The following RNF220 variants were observed in gnomAD, a reference collection of about 807,000 sequenced individuals.
RNF220 encodes ring finger protein 220, also known as E3 ubiquitin-protein ligase RNF220.
RNF220 carries 7 observed loss-of-function variants against 67.1 expected under a neutral mutation model. That is an observed-to-expected ratio of 0.10 (90% CI 0.06 to 0.20). The LOEUF is 0.20. Among genes scored for constraint, RNF220 ranks in the 10% least tolerant of loss-of-function variants. RNF220 has a pLI of 1.00. For missense variants in RNF220, 565 were observed against 740.3 expected (o/e 0.76, Z 2.75); for synonymous variants, 270 against 283.2 (o/e 0.95, Z 0.47).
chr1:44,473,496 C>CG (rs1355957989), intron 2 of RNF220, among the ~76,000 whole-genome samples: 2 of 57,560 alleles, frequency 3.5e-5, no homozygotes, highest in African/African-American at 1.6e-4. Flanking sequence ...ATGGCGGGGG[C>CG]GGGGGGCGGG....
At chr1:44,425,404 A>G (rs1649657797) in intron 2 of RNF220, among the ~76,000 whole-genome samples, 1 of 151,568 alleles carries the variant, frequency 6.6e-6, no homozygotes, top group Non-Finnish European at 1.5e-5. Context: ...ACTTGTTGTT[A>G]AAGTAAATGA....
chr1:44,635,417 C>G (rs773855781), intron 6 of RNF220, 128 bp from the exon 7 acceptor site: 77 of 1,400,912 alleles, frequency 5.5e-5, no homozygotes, highest in Non-Finnish European at 7.2e-5. Context: ...AGATGAGGGC[C>G]AGATCAGGCA....
intron 2 of RNF220, among the ~76,000 whole-genome samples, chr1:44,456,872 A>G (rs886178998): frequency 1.3e-5 from 2 of 152,082 alleles, no homozygotes; most frequent in Non-Finnish European, 2.9e-5. Context: ...ACATCCTGCA[A>G]TCCCATCACA....
At chr1:44,497,758 A>G (rs1301157062) in intron 2 of RNF220, among the ~76,000 whole-genome samples, 1 of 152,138 alleles carries the variant, frequency 6.6e-6, no homozygotes, top group Non-Finnish European at 1.5e-5. Context: ...TCCCTGGTTC[A>G]TTTACTAGCC....
chr1:44,483,078 A>T (rs1347836105), intron 2 of RNF220, among the ~76,000 whole-genome samples: 4 of 151,784 alleles, frequency 2.6e-5, no homozygotes, highest in African/African-American at 9.7e-5. Context: ...TTACAGGTGC[A>T]CACCATCGCG....
At chr1:44,604,279 A>C (rs1667123109) in intron 2 of RNF220, among the ~76,000 whole-genome samples, 1 of 152,148 alleles carries the variant, frequency 6.6e-6, no homozygotes, top group African/African-American at 2.4e-5. Context: ...TATTTTCCAG[A>C]ATCAGGCCCT....
chr1:44,650,113 C>G lies in RNF220; in HGVS notation c.1629+156C>G. On this transcript the variant is annotated intron_variant, in intron 14 of 14. Coordinates refer to ENST00000361799, the MANE Select transcript of RNF220 (RefSeq NM_018150.4). This position sits in a 1 kb window ranked among gnomAD's most constrained non-coding sequence, Gnocchi z 4.3. ...TATTTACCCGCAGGATATTTACCCC[C>G]AGGCTCGCTGCCTCTCCTCCCCAAC... 2.6e-6 allele frequency: 2 copies of G among 757,438 alleles called. No homozygotes were observed. Among genetic ancestry groups the G allele is most frequent in the Non-Finnish European group, 4.2e-6 (2 of 476,306 alleles). The allele number at this position is 757,438 out of a possible 1,614,324, so 46.9% of individuals were successfully genotyped here.
chr1:44,415,089 C>T (rs972756402), intron 2 of RNF220, among the ~76,000 whole-genome samples: 6 of 148,100 alleles, frequency 4.1e-5, no homozygotes, highest in Admixed American at 3.4e-4. Flanking sequence ...CTTTTGATTG[C>T]GAATTTTTGG....
chr1:44,603,189 G>A (rs981347931), intron 2 of RNF220, among the ~76,000 whole-genome samples: 23 of 152,214 alleles, frequency 1.5e-4, no homozygotes, highest in South Asian at 2.1e-4. Context: ...CCTTATCGGC[G>A]TATTATTTTA....
At chr1:44,614,349 T>G in intron 3 of RNF220, 52 bp downstream of exon 3, 8 of 1,593,118 alleles carry the variant, frequency 5.0e-6, no homozygotes, top group Non-Finnish European at 6.9e-6. Flanking sequence ...CTCAGGGTTC[T>G]GGCCACCGGA....
rs1557483865 is a variant in RNF220, at chr1:44,650,291, TC to T, written c.1629+339del. 2 of 492,506 alleles carry T rather than the reference TC, an allele frequency of 4.1e-6. No individual in the cohort carries two copies. Among genetic ancestry groups the T allele is most frequent in the Non-Finnish European group, 7.3e-6 (2 of 273,102 alleles). The allele number at this position is 492,506 out of a possible 1,614,324, so 30.5% of individuals were successfully genotyped here. A position where few individuals can be genotyped will look rare whatever the true frequency, so the allele number is the denominator to read the frequency against. On this transcript the variant is annotated intron_variant, in intron 14 of 14. Transcript: ENST00000361799. The surrounding 1 kb of genome is among the most constrained non-coding windows in gnomAD (Gnocchi z 4.3). ...TAAACAGGACCAGGGCCTTGGCCCC[TC>T]CCCCTCCCATTACTAAGCTCCTTCT...
At chr1:44,528,155 G>A (rs1307279853) in intron 2 of RNF220, among the ~76,000 whole-genome samples, 1 of 152,002 alleles carries the variant, frequency 6.6e-6, no homozygotes, top group Admixed American at 6.6e-5. Flanking sequence ...TATGTAAAGA[G>A]TGCTTACAAA....
At chr1:44,506,930 G>A (rs939006622) in intron 2 of RNF220, among the ~76,000 whole-genome samples, 4 of 152,126 alleles carry the variant, frequency 2.6e-5, no homozygotes, top group African/African-American at 4.8e-5. Flanking sequence ...TGTTGATCAC[G>A]GAGTCTCAAA....
At chr1:44,613,025 TAAGCA>T (rs1026831897) in intron 2 of RNF220, among the ~76,000 whole-genome samples, 1 of 152,116 alleles carries the variant, frequency 6.6e-6, no homozygotes, top group African/African-American at 2.4e-5. Flanking sequence ...CCCACACCTG[TAAGCA>T]GAGGCCACAG....
chr1:44,481,979 T>C (rs182043611), intron 2 of RNF220, among the ~76,000 whole-genome samples: 2 of 152,314 alleles, frequency 1.3e-5, no homozygotes, highest in Admixed American at 1.3e-4. Context: ...AATTCAGAGA[T>C]AAGAAGCCAA....
At position 44,602,978 on chromosome 1, in the gene RNF220, C is replaced by CCCT. The variant is rs945094566; in HGVS notation, c.626-11173_626-11171dup. 1.2e-3 allele frequency among the ~76,000 whole-genome samples: 188 copies of CCCT among 151,976 alleles called. 1 individual carries two copies. Among genetic ancestry groups the CCCT allele is most frequent in the African/African-American group, 4.3e-3 (178 of 41,500 alleles). On this transcript the variant is annotated intron_variant, in intron 2 of 14. Transcript: ENST00000361799. Reference sequence around the variant, plus strand: ...CTCCTTCTCTCCGAGTCCACACCACCCCTCCTCCTCCTCCTCGGGCCGCCA... The same window carrying CCCT: ...CTCCTTCTCTCCGAGTCCACACCACCCCTCCTCCTCCTCCTCCTCGGGCCGCCA...
chr1:44,562,252 G>T (rs1417403137), intron 2 of RNF220, among the ~76,000 whole-genome samples: 2 of 152,168 alleles, frequency 1.3e-5, no homozygotes, highest in African/African-American at 4.8e-5. Context: ...CAACCAGAAG[G>T]TGTCCATTTC....
chr1:44,495,251 AC>A (rs1657233999), intron 2 of RNF220, among the ~76,000 whole-genome samples: 1 of 139,964 alleles, frequency 7.1e-6, no homozygotes, highest in Non-Finnish European at 1.5e-5. Context: ...AACAAAAGAT[AC>A]AAAAAAAAAA....
chr1:44,484,606 G>T (rs1315287265), intron 2 of RNF220, among the ~76,000 whole-genome samples: 2 of 152,108 alleles, frequency 1.3e-5, no homozygotes, highest in Non-Finnish European at 2.9e-5. Context: ...GGCACCAGGG[G>T]CTGAGTAAGA....
Sources: allele counts gnomAD v4.1 joint callset (sites outside exome capture counted in the v4.1 genomes callset), GRCh38; gene constraint gnomAD v4.1.1; non-coding constraint Gnocchi (gnomAD v3.1); transcripts MANE v1.5; gene names NCBI Gene and HGNC (gene_info 2026-07-23, HGNC 2026-07-21).